Variants in LRFN5 observed in about 807,000 individuals in gnomAD.
LRFN5 encodes the protein leucine-rich repeat and fibronectin type-III domain-containing protein 5.
Under a neutral mutation model 45.6 loss-of-function variants are expected in LRFN5, and 24 were observed. That is an observed-to-expected ratio of 0.53 (90% CI 0.38 to 0.74). The LOEUF (loss-of-function observed/expected upper bound fraction) is 0.74, where lower values mean the gene tolerates loss of function less well. Among genes scored for constraint, LRFN5 ranks in the 30% least tolerant of loss-of-function variants. LRFN5 has a pLI of 0.00. For synonymous variants in LRFN5, 340 were observed against 313.8 expected (o/e 1.08, Z -0.88); for missense variants, 776 against 861.5 (o/e 0.90, Z 1.24).
chr14:41,632,627 T>C (rs993737758), intron 1 of LRFN5, among the ~76,000 whole-genome samples: 1 of 152,096 alleles, frequency 6.6e-6, no homozygotes, highest in Admixed American at 6.6e-5. Context: ...AAAGTATGTG[T>C]TGTTATTGTT....
At chr14:41,745,276 T>C (rs892833706) in intron 1 of LRFN5, among the ~76,000 whole-genome samples, 2 of 152,044 alleles carry the variant, frequency 1.3e-5, no homozygotes, top group African/African-American at 4.8e-5. Context: ...TTGTGGAAAT[T>C]AAATAACACA....
Position 41,638,380 on chromosome 14 carries a change from C to T in LRFN5, c.-197+29818C>T, listed in dbSNP as rs1027443235. Among the ~76,000 whole-genome samples the T allele has an allele frequency of 3.9e-5, 6 of 152,082 alleles. No individual in the cohort carries two copies. The South Asian group carries it at 1.2e-3, about 32-fold the overall frequency. On this transcript the variant is annotated intron_variant, in intron 1 of 5. Coordinates refer to ENST00000298119, the MANE Select transcript of LRFN5 (RefSeq NM_152447.5). ...TCTAGTGTCAATAATTAATTCTATA[C>T]TGTCAGAGGGGCAGCTGTGTGTCCC...
At chr14:41,762,064 A>G (rs1450879601) in intron 1 of LRFN5, among the ~76,000 whole-genome samples, 1 of 151,528 alleles carries the variant, frequency 6.6e-6, no homozygotes, top group African/African-American at 2.4e-5. Flanking sequence ...TATGAAACAT[A>G]GTGAATGAGT....
At chr14:41,716,175 T>C (rs1330698780) in intron 1 of LRFN5, among the ~76,000 whole-genome samples, 1 of 152,100 alleles carries the variant, frequency 6.6e-6, no homozygotes, top group African/African-American at 2.4e-5. Flanking sequence ...CACTTTTTCC[T>C]CCTCAGCCTT....
At chr14:41,745,740 A>G (rs924841454) in intron 1 of LRFN5, among the ~76,000 whole-genome samples, 3 of 151,988 alleles carry the variant, frequency 2.0e-5, no homozygotes, top group Non-Finnish European at 4.4e-5. Context: ...ATCCTGAACA[A>G]TTGTATATCT....
intron 1 of LRFN5, among the ~76,000 whole-genome samples, chr14:41,713,667 C>T (rs920050751): frequency 2.0e-5 from 3 of 151,954 alleles, no homozygotes; most frequent in Admixed American, 6.6e-5. Flanking sequence ...AAATTAAGAA[C>T]GAAGTGAGAT....
intron 1 of LRFN5, among the ~76,000 whole-genome samples, chr14:41,675,593 G>C (rs1184561279): frequency 6.6e-6 from 1 of 152,142 alleles, no homozygotes; most frequent in Non-Finnish European, 1.5e-5. Flanking sequence ...GGAGACCGTG[G>C]AAAGAGGGGA....
chr14:41,859,403 C>T (rs149329924), intron 2 of LRFN5, among the ~76,000 whole-genome samples: 1,852 of 152,276 alleles, frequency 0.012, 15 homozygotes, highest in Non-Finnish European at 0.017. Flanking sequence ...GCCATTTGCA[C>T]CTGTTTGAGA....
chr14:41,640,377 A>G (rs889733038), intron 1 of LRFN5, among the ~76,000 whole-genome samples: 1 of 152,088 alleles, frequency 6.6e-6, no homozygotes, highest in Admixed American at 6.6e-5. Context: ...CAGAACAGTA[A>G]TGGACGTCAA....
intron 1 of LRFN5, among the ~76,000 whole-genome samples, chr14:41,633,241 T>A (rs1284507609): frequency 6.6e-6 from 1 of 152,026 alleles, no homozygotes; most frequent in Non-Finnish European, 1.5e-5. Flanking sequence ...AAATATATAG[T>A]ACTATAATAT....
intron 2 of LRFN5, among the ~76,000 whole-genome samples, chr14:41,812,307 A>G (rs901272118): frequency 1.3e-5 from 2 of 152,012 alleles, no homozygotes; most frequent in African/African-American, 4.8e-5. Context: ...TATTAAAATG[A>G]TTTTTAACTA....
intron 2 of LRFN5, among the ~76,000 whole-genome samples, chr14:41,794,995 A>G (rs1887067140): frequency 6.9e-6 from 1 of 145,952 alleles, no homozygotes; most frequent in Non-Finnish European, 1.5e-5. Flanking sequence ...TGCATGCTGT[A>G]TATTCTAATT....
intron 1 of LRFN5, among the ~76,000 whole-genome samples, chr14:41,632,054 G>C (rs1279723435): frequency 1.3e-5 from 2 of 152,026 alleles, no homozygotes; most frequent in Non-Finnish European, 2.9e-5. Flanking sequence ...TGCTGATCAA[G>C]ACTTAGTGGT....
chr14:41,706,506 A>C (rs971806500), intron 1 of LRFN5, among the ~76,000 whole-genome samples: 3 of 152,010 alleles, frequency 2.0e-5, no homozygotes, highest in African/African-American at 7.3e-5. Context: ...TTATTGAGTC[A>C]AAGATTCTGT....
rs1038112723 is a variant in LRFN5, at chr14:41,869,907, A to G, written c.-20-16699A>G. 3.3e-5 allele frequency among the ~76,000 whole-genome samples: 5 copies of G among 152,220 alleles called. No homozygotes were observed. The East Asian group carries it at 9.7e-4, about 29-fold the overall frequency. ...TGAGATTTGGGTGGGGACACAGCCA[A>G]ACCATATCAATAATTGTGACCATGG... On this transcript the variant is annotated intron_variant, in intron 2 of 5. Coordinates refer to ENST00000298119, the MANE Select transcript of LRFN5 (RefSeq NM_152447.5).
chr14:41,637,725 C>T (rs1175476135), intron 1 of LRFN5, among the ~76,000 whole-genome samples: 1 of 152,084 alleles, frequency 6.6e-6, no homozygotes, highest in African/African-American at 2.4e-5. Flanking sequence ...CAGCTTGTAT[C>T]TAAGGATAAG....
At chr14:41,784,786 A>G (rs1839006) in intron 2 of LRFN5, among the ~76,000 whole-genome samples, 114,568 of 151,892 alleles carry the variant, frequency 0.75, 43,718 homozygotes, top group East Asian at 0.93. Context: ...GCACCACTAT[A>G]CCCGGCTAAT....
chr14:41,622,440 C>T (rs533057492), intron 1 of LRFN5, among the ~76,000 whole-genome samples: 2 of 151,986 alleles, frequency 1.3e-5, no homozygotes, highest in South Asian at 2.1e-4. Context: ...CTTTGTCTTA[C>T]GATCATAAAA....
At chr14:41,704,112 G>A (rs1882948807) in intron 1 of LRFN5, among the ~76,000 whole-genome samples, 1 of 152,094 alleles carries the variant, frequency 6.6e-6, no homozygotes, top group Admixed American at 6.6e-5. Context: ...AAGTGTGTGG[G>A]CTAACAGTGG....
Sources: allele counts gnomAD v4.1 joint callset (sites outside exome capture counted in the v4.1 genomes callset), GRCh38; gene constraint gnomAD v4.1.1; transcripts MANE v1.5; gene names NCBI Gene and HGNC (gene_info 2026-07-23, HGNC 2026-07-21).